The following POLR1A variants were observed in gnomAD, a reference collection of about 807,000 sequenced individuals.
POLR1A encodes the protein RNA polymerase I subunit A.
In POLR1A, 84 loss-of-function variants were observed where a neutral mutation model predicts 205.3. That is an observed-to-expected ratio of 0.41 (90% CI 0.34 to 0.49). POLR1A has a LOEUF of 0.49. Ranked by LOEUF, POLR1A falls within the 20% of genes least tolerant of loss-of-function variation. POLR1A has a pLI of 0.22. For missense variants in POLR1A, 1,645 were observed against 2,204.5 expected (o/e 0.75, Z 5.08); for synonymous variants, 799 against 863.7 (o/e 0.93, Z 1.31).
intron 6 of POLR1A, among the ~76,000 whole-genome samples, chr2:86,083,522 G>A (rs1256059712): frequency 1.3e-5 from 2 of 151,792 alleles, no homozygotes; most frequent in African/African-American, 4.8e-5. Flanking sequence ...GATTTATTTT[G>A]CACACTACTT....
intron 3 of POLR1A, among the ~76,000 whole-genome samples, chr2:86,097,207 CAA>C (rs1673719472): frequency 5.4e-5 from 1 of 18,486 alleles, no homozygotes; most frequent in South Asian, 4.1e-3. Flanking sequence ...TGGCTATCCC[CAA>C]AAGACAAAAA....
chr2:86,100,697 A>C (rs10179090), intron 1 of POLR1A, among the ~76,000 whole-genome samples: 120,829 of 151,906 alleles, frequency 0.8, 49,334 homozygotes, highest in South Asian at 0.89. Context: ...ATATGCCCAA[A>C]CAATTTTTCG....
rs763730843 is a variant in POLR1A at position 86,043,154 on chromosome 2, T to C, written c.3177A>G (p.Arg1059=). The change falls in exon 23 of 34, where the codon AGA becomes AGG. Residue 1059 remains arginine, a synonymous_variant. Coordinates refer to ENST00000263857, the MANE Select transcript of POLR1A (RefSeq NM_015425.6). ...GGTGGAGAGCTTTTTTGGGATCTGC[T>C]CTGGATAAAACTTCATGGAGATGCT... is the stretch of plus-strand genomic sequence containing the variant. The part of the protein sequence containing the change: ...KSQHLHEVLS[R]ADPKKALHHF... 3 of 1,614,044 alleles carry C rather than the reference T, an allele frequency of 1.9e-6. No individual in the cohort carries two copies. The highest frequency in any genetic ancestry group is 1.1e-5 in the South Asian group (1 of 91,084).
chr2:86,066,201 G>T (rs1256810510), intron 13 of POLR1A, among the ~76,000 whole-genome samples: 2 of 152,172 alleles, frequency 1.3e-5, no homozygotes, highest in African/African-American at 2.4e-5. Flanking sequence ...TTCCGGCACA[G>T]GTTCCTCAAG....
chr2:86,038,933 C>A, intron 26 of POLR1A, 76 bp from the exon 27 acceptor site: 1 of 1,371,244 alleles, frequency 7.3e-7, no homozygotes, highest in Non-Finnish European at 1.0e-6. Flanking sequence ...GGTTACGAGA[C>A]CCAAGGGTTT....
chr2:86,064,378 G>T (rs952424408), intron 14 of POLR1A, among the ~76,000 whole-genome samples: 5 of 152,098 alleles, frequency 3.3e-5, no homozygotes, highest in African/African-American at 1.2e-4. Context: ...GGCTGAACTT[G>T]GATACTCAGG....
intron 22 of POLR1A, among the ~76,000 whole-genome samples, chr2:86,043,779 G>A (rs1334090479): frequency 6.6e-6 from 1 of 152,194 alleles, no homozygotes; most frequent in East Asian, 1.9e-4. Context: ...TTGATACTCA[G>A]TTGCCTCAGC....
intron 14 of POLR1A, among the ~76,000 whole-genome samples, chr2:86,061,604 A>G (rs922950598): frequency 1.3e-5 from 2 of 152,256 alleles, no homozygotes; most frequent in African/African-American, 4.8e-5. Flanking sequence ...GTAACAGTCA[A>G]ATGAAGGTAA....
chr2:86,030,022 G>A (rs563594723), intron 31 of POLR1A, among the ~76,000 whole-genome samples, 174 bp downstream of exon 31: 6 of 152,314 alleles, frequency 3.9e-5, no homozygotes, highest in South Asian at 2.1e-4. Context: ...CAGAATCCCC[G>A]GGAGGCAGAC....
intron 1 of POLR1A, among the ~76,000 whole-genome samples, chr2:86,101,133 G>A (rs1340435097): frequency 6.6e-6 from 1 of 152,168 alleles, no homozygotes; most frequent in East Asian, 1.9e-4. Context: ...TGGTTTGAAA[G>A]GTGCTCCCAT....
Position 86,038,727 on chromosome 2 carries a change from T to C in POLR1A, c.4007A>G (p.Glu1336Gly). ...TGTTTCCATGAAGCGCAGGATGTCCTCGGGTCTCAGGCACTTCTCCTGCTG... is the reference window on the plus strand; with the variant it reads ...TGTTTCCATGAAGCGCAGGATGTCCCCGGGTCTCAGGCACTTCTCCTGCTG... ...YYQQEKCLRP[E>G]DILRFMETRF... Residue 1336 changes from glutamate to glycine, a missense_variant, in exon 27 of 34, where the codon GAG becomes GGG. This residue lies in a region of POLR1A where 394 missense variants were observed against 468.5 expected (regional missense o/e 0.84). Coordinates refer to ENST00000263857, the MANE Select transcript of POLR1A (RefSeq NM_015425.6). 1 of 1,613,978 alleles carries C rather than the reference T, an allele frequency of 6.2e-7. No homozygotes were observed. The highest frequency in any genetic ancestry group is 8.5e-7 in the Non-Finnish European group (1 of 1,180,016).
chr2:86,078,259 T>C lies in POLR1A; in HGVS notation c.1112A>G (p.Asp371Gly), dbSNP rs756508489. 2 of 1,578,244 alleles carry C rather than the reference T, an allele frequency of 1.3e-6. No homozygotes were observed. Among genetic ancestry groups the C allele is most frequent in the Non-Finnish European group, 1.7e-6 (2 of 1,167,438 alleles). Reference sequence around the variant, plus strand: ...TGGAAGTGTACTCAAAAAGGATCGGTCAATAGCAATCAAAGAGTCTTTTTC... The same window carrying C: ...TGGAAGTGTACTCAAAAAGGATCGGCCAATAGCAATCAAAGAGTCTTTTTC... ...DEEKDSLIAI[D>G]RSFLSTLPGQ... Residue 371 changes from aspartate (D) to glycine (G), a missense_variant, in exon 10 of 34, where the codon GAC becomes GGC. Coordinates refer to ENST00000263857, the MANE Select transcript of POLR1A (RefSeq NM_015425.6).
At chr2:86,034,628 G>C (rs1212175777) in intron 27 of POLR1A, among the ~76,000 whole-genome samples, 1 of 152,002 alleles carries the variant, frequency 6.6e-6, no homozygotes, top group Non-Finnish European at 1.5e-5. Flanking sequence ...ACACCAAAAA[G>C]GGCTGCTTGT....
intron 2 of POLR1A, among the ~76,000 whole-genome samples, chr2:86,099,339 G>A (rs529665074): frequency 1.1e-4 from 17 of 149,880 alleles, no homozygotes; most frequent in African/African-American, 3.7e-4. Flanking sequence ...CCTGGGAGAC[G>A]GAATGAGACA....
intron 21 of POLR1A, 65 bp from the exon 22 acceptor site, chr2:86,044,369 G>A (rs1438488286): frequency 1.9e-6 from 3 of 1,576,450 alleles, no homozygotes; most frequent in Non-Finnish European, 2.6e-6. Context: ...CCTCTGATGA[G>A]GGTTGGGGGC....
chr2:86,083,711 TAATA>T (rs1016033193), intron 6 of POLR1A, among the ~76,000 whole-genome samples: 2 of 152,256 alleles, frequency 1.3e-5, no homozygotes, highest in Non-Finnish European at 2.9e-5. Flanking sequence ...AGTAACATTA[TAATA>T]AATATCTTTA....
chr2:86,069,512 G>A (rs1352646073), intron 13 of POLR1A, among the ~76,000 whole-genome samples: 2 of 152,040 alleles, frequency 1.3e-5, no homozygotes, highest in Non-Finnish European at 2.9e-5. Flanking sequence ...TTGCCCTTGA[G>A]GAGTGAACTT....
chr2:86,027,780 G>A, intron 33 of POLR1A, 105 bp downstream of exon 33: 2 of 1,318,886 alleles, frequency 1.5e-6, no homozygotes, highest in Non-Finnish European at 2.2e-6. Context: ...CAGATCCCAA[G>A]ATCCCACTGG....
chr2:86,075,923 C>T (rs1355405284), intron 11 of POLR1A, among the ~76,000 whole-genome samples: 1 of 152,170 alleles, frequency 6.6e-6, no homozygotes, highest in Non-Finnish European at 1.5e-5. Context: ...CCTCAAATAC[C>T]CTGACATCCC....
Sources: gnomAD v4.1 joint callset for allele counts (sites outside exome capture counted in the v4.1 genomes callset) on GRCh38, gnomAD v4.1.1 for gene constraint, gnomAD v4.1.1 regional missense constraint, MANE v1.5 for transcripts, NCBI Gene and HGNC (gene_info 2026-07-23, HGNC 2026-07-21) for gene names.